Variants in TBC1D5 observed in about 807,000 individuals in gnomAD.
TBC1D5 encodes the protein TBC1 domain family, member 5.
TBC1D5 carries 75 observed loss-of-function variants against 100.3 expected under a neutral mutation model. The observed-to-expected ratio is 0.75, with a 90% CI of 0.62 to 0.91. The LOEUF (loss-of-function observed/expected upper bound fraction) is 0.91. Ranked by LOEUF, TBC1D5 falls within the 40% of genes least tolerant of loss-of-function variation. TBC1D5 has a pLI of 0.00. For missense variants in TBC1D5, 910 were observed against 942.4 expected, an observed-to-expected ratio of 0.97 and a Z score of 0.45; for synonymous variants, 323 against 325.6, an observed-to-expected ratio of 0.99 and a Z score of 0.09.
intron 8 of TBC1D5, among the ~76,000 whole-genome samples, chr3:17,399,271 G>A (rs529654868): frequency 2.0e-5 from 3 of 152,194 alleles, no homozygotes; most frequent in African/African-American, 7.2e-5. Flanking sequence ...TGAGTAGAGT[G>A]ATTAGGCTGT....
chr3:17,557,113 G>T (rs1011928467), intron 2 of TBC1D5, among the ~76,000 whole-genome samples: 1 of 152,148 alleles, frequency 6.6e-6, no homozygotes, highest in Non-Finnish European at 1.5e-5. Flanking sequence ...ATGTTTAACC[G>T]ATTGGTCAAG....
intron 13 of TBC1D5, among the ~76,000 whole-genome samples, chr3:17,354,716 TA>T (rs375375816): frequency 2.5e-4 from 36 of 141,496 alleles, no homozygotes; most frequent in African/African-American, 2.3e-4. Context: ...AAAAAAGGAG[TA>T]AAAAAAAAAA....
chr3:17,231,890 C>T (rs2075452925), intron 17 of TBC1D5, among the ~76,000 whole-genome samples: 1 of 152,076 alleles, frequency 6.6e-6, no homozygotes, highest in Non-Finnish European at 1.5e-5. Context: ...GTATGGGAGG[C>T]AGAGGTGATT....
chr3:17,705,288 C>T (rs1333421385), intron 1 of TBC1D5, among the ~76,000 whole-genome samples: 2 of 98,750 alleles, frequency 2.0e-5, no homozygotes, highest in African/African-American at 3.7e-5. Context: ...GCTGGCCAGG[C>T]GGGGGGCTGA....
chr3:17,599,724 C>T (rs1258503971), intron 2 of TBC1D5, among the ~76,000 whole-genome samples: 2 of 152,178 alleles, frequency 1.3e-5, no homozygotes, highest in African/African-American at 4.8e-5. Flanking sequence ...AAAGTGCTCA[C>T]TCCAGCTCTG....
intron 18 of TBC1D5, among the ~76,000 whole-genome samples, chr3:17,205,126 T>C (rs1273605119): frequency 6.6e-6 from 1 of 152,246 alleles, no homozygotes; most frequent in African/African-American, 2.4e-5. Context: ...TTTATATCTA[T>C]TCATTTCAAT....
At chr3:17,630,912 C>CG (rs1482358122) in intron 1 of TBC1D5, among the ~76,000 whole-genome samples, 1 of 149,344 alleles carries the variant, frequency 6.7e-6, no homozygotes, top group Non-Finnish European at 1.5e-5. Context: ...GGTGTGGTTG[C>CG]GGGGGCCTGT....
At chr3:17,532,676 T>G (rs13063011) in intron 2 of TBC1D5, among the ~76,000 whole-genome samples, 4 of 152,070 alleles carry the variant, frequency 2.6e-5, no homozygotes, top group African/African-American at 9.7e-5. Context: ...ATGAGTTCAT[T>G]TCCTTTGTAG....
chr3:17,316,737 A>C (rs920418115), intron 13 of TBC1D5, among the ~76,000 whole-genome samples: 1 of 152,146 alleles, frequency 6.6e-6, no homozygotes, highest in Non-Finnish European at 1.5e-5. Flanking sequence ...AATCGGCACT[A>C]TCTTGGGAAA....
At chr3:17,250,270 C>T (rs915786904) in intron 16 of TBC1D5, among the ~76,000 whole-genome samples, 1 of 152,202 alleles carries the variant, frequency 6.6e-6, no homozygotes, top group African/African-American at 2.4e-5. Flanking sequence ...GTTACCATAT[C>T]ATTGCTAATC....
At chr3:17,431,089 G>T (rs536808065) in intron 3 of TBC1D5, among the ~76,000 whole-genome samples, 1 of 151,982 alleles carries the variant, frequency 6.6e-6, no homozygotes, top group South Asian at 2.1e-4. Context: ...TTTTATAAGG[G>T]ATTAAAGTAA....
At chr3:17,238,131 T>C (rs1287572498) in intron 17 of TBC1D5, 32 bp downstream of exon 17, 1 of 1,596,268 alleles carries the variant, frequency 6.3e-7, no homozygotes, top group South Asian at 1.1e-5. Context: ...ACCATGAATG[T>C]TTTCTTTAGA....
chr3:17,442,571 T>A (rs1399122550), intron 3 of TBC1D5, among the ~76,000 whole-genome samples: 1 of 152,176 alleles, frequency 6.6e-6, no homozygotes, highest in Admixed American at 6.5e-5. Context: ...GATTCTCTAA[T>A]TCTGTGTATG....
intron 8 of TBC1D5, among the ~76,000 whole-genome samples, chr3:17,385,829 T>C (rs931456740): frequency 1.3e-5 from 2 of 152,000 alleles, no homozygotes; most frequent in Admixed American, 6.6e-5. Context: ...GCAGTCCCTA[T>C]CCAGGAATCA....
intron 18 of TBC1D5, among the ~76,000 whole-genome samples, chr3:17,193,783 C>A (rs1690637158): frequency 2.0e-5 from 3 of 152,114 alleles, no homozygotes; most frequent in East Asian, 1.9e-4. Flanking sequence ...TAGCAGTGAC[C>A]TTATAGCGTT....
chr3:17,655,016 T>C (rs1470652139), intron 1 of TBC1D5, among the ~76,000 whole-genome samples: 1 of 151,616 alleles, frequency 6.6e-6, no homozygotes, highest in Non-Finnish European at 1.5e-5. Context: ...ATCCCCTTTA[T>C]CATTTTTTAT....
intron 2 of TBC1D5, among the ~76,000 whole-genome samples, chr3:17,544,792 C>T (rs918215103): frequency 2.0e-5 from 3 of 152,030 alleles, no homozygotes; most frequent in Admixed American, 6.6e-5. Flanking sequence ...TCAAATGTAG[C>T]CTCCTATCTC....
intron 1 of TBC1D5, among the ~76,000 whole-genome samples, chr3:17,703,442 A>G (rs1018032752): frequency 6.6e-6 from 1 of 152,196 alleles, no homozygotes; most frequent in African/African-American, 2.4e-5. Flanking sequence ...TTAAACATTA[A>G]TATACTTTAT....
At chr3:17,485,272 G>T (rs1328378755) in intron 3 of TBC1D5, among the ~76,000 whole-genome samples, 4 of 150,868 alleles carry the variant, frequency 2.7e-5, no homozygotes, top group Admixed American at 2.0e-4. Context: ...TTTAAAGATA[G>T]AATTTTTTTA....
Sources: gnomAD v4.1 joint callset for allele counts (sites outside exome capture counted in the v4.1 genomes callset) on GRCh38, gnomAD v4.1.1 for gene constraint, MANE v1.5 for transcripts, NCBI Gene and HGNC (gene_info 2026-07-23, HGNC 2026-07-21) for gene names.